The following ARHGAP17 variants were observed in gnomAD, a reference collection of about 807,000 sequenced individuals.
ARHGAP17 encodes Rho GTPase activating protein 17.
In ARHGAP17, 57 loss-of-function variants were observed where a neutral mutation model predicts 99.5. The ratio of observed to expected loss-of-function variants is 0.57; its 90% CI spans 0.46 to 0.71. The LOEUF is 0.71. Ranked by LOEUF, ARHGAP17 falls within the 30% of genes least tolerant of loss-of-function variation. The pLI is 0.00. For synonymous variants in ARHGAP17, 417 were observed against 429.6 expected, an observed-to-expected ratio of 0.97 and a Z score of 0.36; for missense variants, 1,000 against 1,122.4, an observed-to-expected ratio of 0.89 and a Z score of 1.56.
chr16:24,993,610 C>T (rs966119354), intron 1 of ARHGAP17, among the ~76,000 whole-genome samples: 5 of 149,154 alleles, frequency 3.4e-5, no homozygotes, highest in African/African-American at 9.8e-5. Context: ...AAAAAAGTAA[C>T]GGGCAAAAAC....
intron 1 of ARHGAP17, among the ~76,000 whole-genome samples, chr16:25,000,901 TAGCAGACACACTAAA>T (rs1189569200): frequency 6.6e-6 from 1 of 152,210 alleles, no homozygotes; most frequent in African/African-American, 2.4e-5. Flanking sequence ...AAAGCTCAAA[TAGCAGACACACTAAA>T]AGTTGTGTGG....
chr16:24,986,681 A>T (rs888523539), intron 1 of ARHGAP17, among the ~76,000 whole-genome samples: 1 of 152,238 alleles, frequency 6.6e-6, no homozygotes, highest in Non-Finnish European at 1.5e-5. Flanking sequence ...AATATTTGTT[A>T]TCCAGCCATT....
chr16:24,982,808 G>A (rs1317970059), intron 1 of ARHGAP17, among the ~76,000 whole-genome samples: 1 of 150,454 alleles, frequency 6.6e-6, no homozygotes, highest in African/African-American at 2.5e-5. Flanking sequence ...CCACAGAAAT[G>A]TGCTGGTTTT....
rs999318435 is a variant in ARHGAP17, at chr16:24,920,183, G to A, written c.2593C>T (p.Pro865Ser). The change falls in exon 20 of 20, where the codon CCT (proline) becomes TCT (serine). Residue 865 changes from proline (P) to serine (S), a missense_variant. Physicochemically the swap from Pro to Ser is moderately conservative, Grantham distance 74. This residue lies in a region of ARHGAP17 where 528 missense variants were observed against 511.4 expected (regional missense o/e 1.03). Coordinates refer to ENST00000289968, the MANE Select transcript of ARHGAP17 (RefSeq NM_001006634.3). Reference sequence around the variant, plus strand: ...TCTATATCCAGCAGGATGCGGCCAGGCACGTCTTTGCTGGCTGAGTCTGAG... The same window carrying A: ...TCTATATCCAGCAGGATGCGGCCAGACACGTCTTTGCTGGCTGAGTCTGAG... ...MHSDSASKDV[P>S]GRILLDIDND... 37 of 1,614,084 alleles carry A rather than the reference G, an allele frequency of 2.3e-5. No individual in the cohort carries two copies. The highest frequency in any genetic ancestry group is 3.1e-5 in the Non-Finnish European group (37 of 1,180,036).
chr16:24,991,754 C>CA (rs1269663170), intron 1 of ARHGAP17, among the ~76,000 whole-genome samples: 1 of 152,178 alleles, frequency 6.6e-6, no homozygotes, highest in Non-Finnish European at 1.5e-5. Flanking sequence ...GAAGCAAAAG[C>CA]AAGTCTCCAA....
At position 24,931,404 on chromosome 16, in the gene ARHGAP17, G is replaced by A; in HGVS notation, c.1895C>T (p.Ala632Val). ...AGPSPHTLRR[A>V]VKKPAPAPPK... ...GGGTGCTGGAGCGGGTTTTTTAACA[G>A]CTGCACAAAAAGAGAAAAAACACCT... Residue 632 changes from alanine to valine, a missense_variant and splice_region_variant, in exon 19 of 20, where the codon GCT (alanine) becomes GTT (valine). This residue lies in a region of ARHGAP17 where 528 missense variants were observed against 511.4 expected (regional missense o/e 1.03). Transcript: ENST00000289968. 6.6e-7 allele frequency: 1 copy of A among 1,505,162 alleles called. No homozygotes were observed. Among genetic ancestry groups the A allele is most frequent in the South Asian group, 1.4e-5 (1 of 73,108 alleles). 93.2% of individuals were successfully genotyped at this position (1,505,162 alleles called of 1,614,324 possible).
chr16:25,001,384 T>C (rs2141481673), intron 1 of ARHGAP17, among the ~76,000 whole-genome samples: 1 of 152,288 alleles, frequency 6.6e-6, no homozygotes, highest in East Asian at 1.9e-4. Flanking sequence ...CATAAAAACC[T>C]GGGTTTTATT....
At chr16:24,992,184 G>A (rs1399689008) in intron 1 of ARHGAP17, among the ~76,000 whole-genome samples, 1 of 152,178 alleles carries the variant, frequency 6.6e-6, no homozygotes, top group African/African-American at 2.4e-5. Flanking sequence ...TAATGGAATG[G>A]CAACAGGTTT....
At chr16:25,001,177 C>G (rs546991560) in intron 1 of ARHGAP17, among the ~76,000 whole-genome samples, 1 of 151,910 alleles carries the variant, frequency 6.6e-6, no homozygotes, top group Non-Finnish European at 1.5e-5. Context: ...GAAATAGAAG[C>G]ACAACACTGA....
chr16:24,978,248 A>G (rs141732516), intron 2 of ARHGAP17, among the ~76,000 whole-genome samples: 1 of 152,350 alleles, frequency 6.6e-6, no homozygotes, highest in Non-Finnish European at 1.5e-5. Flanking sequence ...TAAACTCCAC[A>G]AGGACAGAAG....
intron 14 of ARHGAP17, among the ~76,000 whole-genome samples, chr16:24,945,215 G>A (rs1018981718): frequency 6.6e-6 from 1 of 151,676 alleles, no homozygotes; most frequent in South Asian, 2.1e-4. Flanking sequence ...CCCAGCTACC[G>A]GAGAGGCTGG....
Position 24,935,508 on chromosome 16 carries a change from T to C in ARHGAP17, c.1856A>G (p.His619Arg). 2.5e-6 allele frequency: 4 copies of C among 1,611,904 alleles called. No homozygotes were observed. The South Asian group carries it at 3.3e-5, about 13-fold the overall frequency. Residue 619 changes from histidine (H) to arginine (R), a missense_variant, in exon 18 of 20, where the codon CAC becomes CGC. This residue lies in a region of ARHGAP17 where 528 missense variants were observed against 511.4 expected (regional missense o/e 1.03). Coordinates refer to ENST00000289968, the MANE Select transcript of ARHGAP17 (RefSeq NM_001006634.3). ...ATGCGGGCTGGGCCCTGCAGCATTG[T>C]GAGGTTGGCCCATGGAGAGCTGGTG... Reference protein sequence around the residue: ...GSHQLSMGQPHNAAGPSPHTL... With the variant: ...GSHQLSMGQPRNAAGPSPHTL...
intron 19 of ARHGAP17, among the ~76,000 whole-genome samples, chr16:24,929,146 A>T (rs2050915247): frequency 6.6e-6 from 1 of 151,464 alleles, no homozygotes. Context: ...AAAAGATAGA[A>T]GATATTCCTT....
intron 10 of ARHGAP17, 45 bp downstream of exon 10, chr16:24,954,558 A>T (rs760449057): frequency 6.3e-7 from 1 of 1,586,964 alleles, no homozygotes; most frequent in Non-Finnish European, 8.6e-7. Context: ...GGGTACAACA[A>T]GGGGCATGGA....
intron 1 of ARHGAP17, among the ~76,000 whole-genome samples, chr16:24,982,965 C>CATACAT (rs1491169199): frequency 3.1e-5 from 1 of 32,724 alleles, no homozygotes; most frequent in Non-Finnish European, 5.5e-5. Flanking sequence ...CTTGATAAAT[C>CATACAT]ATATATATAT....
rs192808563 is a variant in ARHGAP17, at chr16:24,925,916, T to C, written c.2515+4868A>G. ...ACAAGGTCAGCAGATCGAGACCATCTTGGCTAACATGGTGAAACCCTGTCT... is the reference window on the plus strand; with the variant it reads ...ACAAGGTCAGCAGATCGAGACCATCCTGGCTAACATGGTGAAACCCTGTCT... On this transcript the variant is annotated intron_variant, in intron 19 of 19. Coordinates refer to ENST00000289968, the MANE Select transcript of ARHGAP17 (RefSeq NM_001006634.3). Among the ~76,000 whole-genome samples, 7 of 152,044 alleles carry C rather than the reference T, an allele frequency of 4.6e-5. No individual in the cohort carries two copies. The East Asian group carries it at 1.4e-3, about 30-fold the overall frequency.
At chr16:24,970,617 T>C (rs1567239861) in intron 3 of ARHGAP17, 37 bp from the exon 4 acceptor site, 1 of 1,541,300 alleles carries the variant, frequency 6.5e-7, no homozygotes, top group Non-Finnish European at 9.0e-7. Flanking sequence ...TTTCTCATTA[T>C]TTGATACCCA....
At chr16:24,989,218 A>G (rs988638001) in intron 1 of ARHGAP17, among the ~76,000 whole-genome samples, 2 of 152,202 alleles carry the variant, frequency 1.3e-5, no homozygotes, top group African/African-American at 4.8e-5. Flanking sequence ...GGGGAGGTGC[A>G]CAGCGTCTGA....
intron 7 of ARHGAP17, among the ~76,000 whole-genome samples, chr16:24,961,616 C>T (rs953392847): frequency 6.7e-6 from 1 of 148,352 alleles, no homozygotes; most frequent in Non-Finnish European, 1.5e-5. Context: ...CCGCAACCTC[C>T]ATCTCCGGGG....
Sources: gnomAD v4.1 joint callset for allele counts (sites outside exome capture counted in the v4.1 genomes callset) on GRCh38, gnomAD v4.1.1 for gene constraint, gnomAD v4.1.1 regional missense constraint, MANE v1.5 for transcripts, NCBI Gene and HGNC (gene_info 2026-07-23, HGNC 2026-07-21) for gene names.